CXCL13: variants seen among roughly 807,000 people sequenced by gnomAD.
CXCL13 encodes C-X-C motif chemokine 13.
CXCL13 carries 7 observed loss-of-function variants against 12.2 expected under a neutral mutation model. The observed-to-expected ratio is 0.57, with a 90% confidence interval of 0.33 to 1.07. The LOEUF (loss-of-function observed/expected upper bound fraction) is 1.07, where lower values mean the gene tolerates loss of function less well. CXCL13 is among the 50% of genes least tolerant of loss of function. The pLI is 0.04. For missense variants in CXCL13, 113 were observed against 127.4 expected, an observed-to-expected ratio of 0.89 and a Z score of 0.55; for synonymous variants, 47 against 42.4, an observed-to-expected ratio of 1.11 and a Z score of -0.42.
rs1449220270 is a variant in CXCL13 at position 77,555,122 on chromosome 4, G to GA, written c.-43+43341dup. ...AAATTTGAAAATATTTAATTAACAG[G>GA]AAAAAAACCAATGAAACCAAAAGCA... On this transcript the variant is annotated intron_variant, in intron 1 of 4. Coordinates refer to the CXCL13 transcript ENST00000286758. 5.3e-5 allele frequency among the ~76,000 whole-genome samples: 8 copies of GA among 151,646 alleles called. No homozygotes were observed. The South Asian group carries it at 1.3e-3, about 24-fold the overall frequency.
At position 77,539,126 on chromosome 4, in the gene CXCL13, G is replaced by A. The variant is rs529093248; in HGVS notation, c.-43+27338G>A. Among the ~76,000 whole-genome samples the A allele has an allele frequency of 1.4e-4, 21 of 150,326 alleles. 1 individual carries two copies. Among genetic ancestry groups the A allele is most frequent in the Middle Eastern group, 6.9e-3 (2 of 290 alleles). On this transcript the variant is annotated intron_variant, in intron 1 of 4. Transcript: ENST00000286758. ...GTCGCCCAGGCTGGAGGGCAGTGGC[G>A]TGATCTCAGCTCACTGCAACCTCTG...
intron 1 of CXCL13, among the ~76,000 whole-genome samples, chr4:77,516,532 T>C (rs1403002109): frequency 6.6e-6 from 1 of 152,228 alleles, no homozygotes; most frequent in East Asian, 1.9e-4. Context: ...TGGTTTAGTC[T>C]TGGGAGAGTG....
At chr4:77,584,795 G>A (rs777141198) in intron 1 of CXCL13, among the ~76,000 whole-genome samples, 13 of 152,262 alleles carry the variant, frequency 8.5e-5, no homozygotes, top group African/African-American at 2.6e-4. Context: ...GCGAGTGCTG[G>A]GAGAAAAGTT....
chr4:77,560,006 C>T (rs780589821), intron 1 of CXCL13, among the ~76,000 whole-genome samples: 1 of 150,772 alleles, frequency 6.6e-6, no homozygotes, highest in Non-Finnish European at 1.5e-5. Context: ...CCTAGAACTT[C>T]CTAGTCATAA....
At chr4:77,590,323 A>G (rs1293037977) in intron 1 of CXCL13, among the ~76,000 whole-genome samples, 7 of 152,324 alleles carry the variant, frequency 4.6e-5, no homozygotes, top group Middle Eastern at 3.4e-3. Flanking sequence ...CAGCAGCGTA[A>G]TAAGTGAGCC....
chr4:77,513,819 T>A (rs1169181952), intron 1 of CXCL13, among the ~76,000 whole-genome samples: 39 of 146,238 alleles, frequency 2.7e-4, no homozygotes, highest in South Asian at 6.8e-4. Context: ...TTTTTTTTTT[T>A]TATACTTTAA....
chr4:77,588,595 T>C (rs1465542853), intron 1 of CXCL13, among the ~76,000 whole-genome samples: 1 of 152,230 alleles, frequency 6.6e-6, no homozygotes, highest in African/African-American at 2.4e-5. Flanking sequence ...TGTGTATTTG[T>C]CAACAGTGGA....
At chr4:77,553,239 C>T (rs569681916) in intron 1 of CXCL13, among the ~76,000 whole-genome samples, 13 of 152,164 alleles carry the variant, frequency 8.5e-5, no homozygotes, top group Non-Finnish European at 1.9e-4. Flanking sequence ...AGCAAAATTC[C>T]AGCACCTACT....
chr4:77,596,375 G>A lies in CXCL13; in HGVS notation c.-42-9449G>A, dbSNP rs1021913715. On this transcript the variant is annotated intron_variant, in intron 1 of 4. Coordinates refer to the CXCL13 transcript ENST00000286758. ...GGGAACACGTACACTGTTGGTGGGAGTGTAAATTAGTACAGTCATTTTGGA... is the reference window on the plus strand; with the variant it reads ...GGGAACACGTACACTGTTGGTGGGAATGTAAATTAGTACAGTCATTTTGGA... Among the ~76,000 whole-genome samples, 14 of 152,356 alleles carry A rather than the reference G, an allele frequency of 9.2e-5. 1 individual carries two copies. Among genetic ancestry groups the A allele is most frequent in the Admixed American group, 5.9e-4 (9 of 15,310 alleles).
At chr4:77,549,599 C>G (rs1315538284) in intron 1 of CXCL13, among the ~76,000 whole-genome samples, 1 of 152,240 alleles carries the variant, frequency 6.6e-6, no homozygotes, top group Non-Finnish European at 1.5e-5. Flanking sequence ...GGACCCTCAG[C>G]TGCAGTTCTT....
intron 1 of CXCL13, among the ~76,000 whole-genome samples, chr4:77,598,234 G>C (rs542533492): frequency 1.3e-5 from 2 of 152,228 alleles, no homozygotes; most frequent in African/African-American, 4.8e-5. Context: ...TGCGGAAGCC[G>C]TTGGTTCAGA....
At chr4:77,549,507 C>G (rs1725456009) in intron 1 of CXCL13, among the ~76,000 whole-genome samples, 1 of 152,216 alleles carries the variant, frequency 6.6e-6, no homozygotes, top group South Asian at 2.1e-4. Context: ...TGGTGACCTA[C>G]AGATGGGGTT....
At chr4:77,599,520 G>A (rs996389991) in intron 1 of CXCL13, among the ~76,000 whole-genome samples, 4 of 152,198 alleles carry the variant, frequency 2.6e-5, no homozygotes, top group Middle Eastern at 3.2e-3. Context: ...GATAAGGAAG[G>A]CCGACTGTAT....
chr4:77,607,619 A>G, intron 1 of CXCL13, 84 bp from the exon 2 acceptor site: 1 of 1,341,246 alleles, frequency 7.5e-7, no homozygotes, highest in East Asian at 2.3e-5. Context: ...CTTCAAATGC[A>G]CGTTATGAAA....
intron 1 of CXCL13, among the ~76,000 whole-genome samples, chr4:77,544,294 T>G (rs1376332083): frequency 3.9e-5 from 6 of 152,240 alleles, no homozygotes; most frequent in Non-Finnish European, 7.3e-5. Context: ...ATGGTATTTC[T>G]AGTTCTAGAT....
chr4:77,563,850 T>A lies in CXCL13; in HGVS notation c.-42-41974T>A, dbSNP rs185950838. ...TGAACAGGTGTCTTTGGGACATACATACTTTCTATGCCTCAAATCTTCATG... is the reference window on the plus strand; with the variant it reads ...TGAACAGGTGTCTTTGGGACATACAAACTTTCTATGCCTCAAATCTTCATG... On this transcript the variant is annotated intron_variant, in intron 1 of 4. Coordinates refer to the CXCL13 transcript ENST00000286758. 3.9e-5 allele frequency among the ~76,000 whole-genome samples: 6 copies of A among 152,338 alleles called. No individual in the cohort carries two copies. The East Asian group carries it at 9.6e-4, about 24-fold the overall frequency.
intron 1 of CXCL13, among the ~76,000 whole-genome samples, chr4:77,514,989 T>C (rs1463794142): frequency 6.6e-6 from 1 of 152,092 alleles, no homozygotes; most frequent in Non-Finnish European, 1.5e-5. Flanking sequence ...TTGTATAAGG[T>C]GTAAGGAAGG....
At chr4:77,572,067 A>G (rs556149730) in intron 1 of CXCL13, among the ~76,000 whole-genome samples, 1 of 151,900 alleles carries the variant, frequency 6.6e-6, no homozygotes, top group African/African-American at 2.4e-5. Context: ...GCGCCACATT[A>G]AGAGCTGTAA....
chr4:77,520,682 C>A (rs1333225914), intron 1 of CXCL13, among the ~76,000 whole-genome samples: 1 of 152,174 alleles, frequency 6.6e-6, no homozygotes, highest in African/African-American at 2.4e-5. Context: ...GTGACTTCCT[C>A]TTTTCCTAAT....
Sources: gnomAD v4.1 joint callset for allele counts (sites outside exome capture counted in the v4.1 genomes callset) on GRCh38, gnomAD v4.1.1 for gene constraint, MANE v1.5 for transcripts, NCBI Gene and HGNC (gene_info 2026-07-23, HGNC 2026-07-21) for gene names.